GRM1: variants seen among roughly 807,000 people sequenced by gnomAD.
GRM1 encodes the protein glutamate metabotropic receptor 1.
GRM1 carries 33 observed loss-of-function variants against 90.9 expected under a neutral mutation model. That is an observed-to-expected ratio of 0.36 (90% CI 0.28 to 0.49). The LOEUF (loss-of-function observed/expected upper bound fraction) is 0.49, where lower values mean the gene tolerates loss of function less well. Ranked by LOEUF, GRM1 falls within the 20% of genes least tolerant of loss-of-function variation. The pLI, the probability that GRM1 is intolerant of heterozygous loss-of-function variation, is 0.99. For synonymous variants in GRM1, 700 were observed against 613.2 expected (o/e 1.14, Z -2.09); for missense variants, 1,190 against 1,534.3 (o/e 0.78, Z 3.75).
intron 3 of GRM1, among the ~76,000 whole-genome samples, chr6:146,313,940 A>G (rs1783864907): frequency 6.6e-6 from 1 of 151,526 alleles, no homozygotes; most frequent in African/African-American, 2.4e-5. Flanking sequence ...TTTAATATAA[A>G]TTGAATTTTT....
At chr6:146,296,528 T>A (rs1260181387) in intron 2 of GRM1, among the ~76,000 whole-genome samples, 1 of 152,184 alleles carries the variant, frequency 6.6e-6, no homozygotes, top group Non-Finnish European at 1.5e-5. Context: ...TTCTCCCTGT[T>A]GAACTGAATT....
At chr6:146,380,412 C>T (rs1583415572) in intron 5 of GRM1, among the ~76,000 whole-genome samples, 1 of 152,028 alleles carries the variant, frequency 6.6e-6, no homozygotes, top group Non-Finnish European at 1.5e-5. Context: ...AGACTCACCC[C>T]ATAGTCACTG....
At chr6:146,212,557 C>T (rs1779717626) in intron 2 of GRM1, among the ~76,000 whole-genome samples, 1 of 152,176 alleles carries the variant, frequency 6.6e-6, no homozygotes, top group African/African-American at 2.4e-5. Context: ...ATGGGATTAT[C>T]TTCTTTTCTT....
intron 2 of GRM1, among the ~76,000 whole-genome samples, chr6:146,218,198 T>C (rs1779940708): frequency 6.6e-6 from 1 of 152,152 alleles, no homozygotes; most frequent in African/African-American, 2.4e-5. Context: ...ACACAAGGGT[T>C]GTGAAAAACT....
At chr6:146,320,511 T>C (rs1242079209) in intron 3 of GRM1, among the ~76,000 whole-genome samples, 1 of 152,190 alleles carries the variant, frequency 6.6e-6, no homozygotes, top group African/African-American at 2.4e-5. Context: ...CCTCTTTTTA[T>C]ATTGTTTGGA....
At chr6:146,068,755 G>A (rs575634563) in intron 1 of GRM1, among the ~76,000 whole-genome samples, 1 of 152,156 alleles carries the variant, frequency 6.6e-6, no homozygotes, top group South Asian at 2.1e-4. Context: ...AATGTCTTGA[G>A]GACAATTAAA....
At chr6:146,256,824 G>T (rs1781497334) in intron 2 of GRM1, among the ~76,000 whole-genome samples, 1 of 152,062 alleles carries the variant, frequency 6.6e-6, no homozygotes, top group African/African-American at 2.4e-5. Flanking sequence ...TCACGAAATT[G>T]TTTCCTTTAC....
rs1778510114 is a variant in GRM1 at position 146,434,131 on chromosome 6, C to T, written c.2920C>T (p.Pro974Ser). The stretch of plus-strand genomic sequence containing the variant: ...GATTCGCTTTAGCCCGCCTGGTAGC[C>T]CTTCCATGGTGGTGCACAGGCGCGT... ...QPIRFSPPGS[P>S]SMVVHRRVPS... The change falls in exon 8 of 8, where the codon CCT becomes TCT. Residue 974 changes from proline to serine, a missense_variant. Pro to Ser is a moderately conservative substitution (Grantham distance 74). Coordinates refer to ENST00000282753, the MANE Select transcript of GRM1 (RefSeq NM_001278064.2). 1 of 1,614,026 alleles carries T rather than the reference C, an allele frequency of 6.2e-7. No individual in the cohort carries two copies. The highest frequency in any genetic ancestry group is 1.3e-5 in the African/African-American group (1 of 74,932).
intron 3 of GRM1, among the ~76,000 whole-genome samples, chr6:146,349,049 A>ATTATTATTT (rs1554299559): frequency 3.0e-5 from 3 of 100,698 alleles, no homozygotes; most frequent in Non-Finnish European, 6.5e-5. Context: ...GGTAGCTATT[A>ATTATTATTT]TTATTATTAT....
intron 1 of GRM1, among the ~76,000 whole-genome samples, chr6:146,049,651 A>AT (rs1334592681): frequency 3.2e-4 from 47 of 147,582 alleles, no homozygotes; most frequent in African/African-American, 1.1e-3. Flanking sequence ...ACCTCCTTTC[A>AT]TATCTATCTA....
chr6:146,281,959 C>T (rs1457209693), intron 2 of GRM1, among the ~76,000 whole-genome samples: 1 of 152,188 alleles, frequency 6.6e-6, no homozygotes, highest in Non-Finnish European at 1.5e-5. Flanking sequence ...ACTAAAGGAG[C>T]TCAAATTCCA....
At chr6:146,324,108 A>G (rs1191836417) in intron 3 of GRM1, among the ~76,000 whole-genome samples, 1 of 152,208 alleles carries the variant, frequency 6.6e-6, no homozygotes, top group Non-Finnish European at 1.5e-5. Context: ...GGAGGAATCT[A>G]GAGAGGCAGT....
At chr6:146,279,049 T>C (rs1029022831) in intron 2 of GRM1, among the ~76,000 whole-genome samples, 2 of 152,196 alleles carry the variant, frequency 1.3e-5, no homozygotes, top group African/African-American at 4.8e-5. Context: ...ACAGATATTG[T>C]AATTGTAACC....
chr6:146,389,462 C>T (rs541209280), intron 6 of GRM1, among the ~76,000 whole-genome samples: 1 of 152,012 alleles, frequency 6.6e-6, no homozygotes, highest in African/African-American at 2.4e-5. Flanking sequence ...AACTCAAGGT[C>T]ATACCTTTTA....
At chr6:146,162,841 C>T (rs570528068) in intron 2 of GRM1, among the ~76,000 whole-genome samples, 23 of 92,792 alleles carry the variant, frequency 2.5e-4, no homozygotes, top group Admixed American at 2.1e-4. Flanking sequence ...CAAAACAAAA[C>T]GTGGACTAAG....
At chr6:146,244,591 C>T (rs138455683) in intron 2 of GRM1, among the ~76,000 whole-genome samples, 1 of 152,294 alleles carries the variant, frequency 6.6e-6, no homozygotes, top group Non-Finnish European at 1.5e-5. Context: ...TCCTTCTATT[C>T]CAGCTACTTC....
intron 1 of GRM1, among the ~76,000 whole-genome samples, chr6:146,083,168 C>T (rs996030903): frequency 1.3e-5 from 2 of 152,116 alleles, no homozygotes; most frequent in African/African-American, 4.8e-5. Context: ...AATATAGAAT[C>T]ATGTTGTCTG....
intron 2 of GRM1, among the ~76,000 whole-genome samples, chr6:146,217,453 T>C (rs1779911983): frequency 6.6e-6 from 1 of 152,232 alleles, no homozygotes; most frequent in Admixed American, 6.5e-5. Flanking sequence ...AACAGAGGGC[T>C]GAATTAATAT....
chr6:146,225,973 C>T (rs1449671711), intron 2 of GRM1, among the ~76,000 whole-genome samples: 1 of 152,066 alleles, frequency 6.6e-6, no homozygotes, highest in Non-Finnish European at 1.5e-5. Flanking sequence ...TGGAATGCAC[C>T]TTTGTTTGCT....
Sources: allele counts gnomAD v4.1 joint callset (sites outside exome capture counted in the v4.1 genomes callset), GRCh38; gene constraint gnomAD v4.1.1; transcripts MANE v1.5; gene names NCBI Gene and HGNC (gene_info 2026-07-23, HGNC 2026-07-21).